SEMA6A: variants seen among roughly 807,000 people sequenced by gnomAD.
SEMA6A encodes the protein semaphorin-6A.
In SEMA6A, 25 loss-of-function variants were observed where a neutral mutation model predicts 96.8. The observed-to-expected ratio is 0.26, with a 90% CI of 0.19 to 0.36. The LOEUF (loss-of-function observed/expected upper bound fraction) is 0.36. SEMA6A is among the 10% of genes least tolerant of loss of function. The pLI, the probability that SEMA6A is intolerant of heterozygous loss-of-function variation, is 1.00. For synonymous variants in SEMA6A, 612 were observed against 518.0 expected (o/e 1.18, Z -2.46); for missense variants, 1,363 against 1,323.1 (o/e 1.03, Z -0.47).
At chr5:116,480,362 T>A in intron 11 of SEMA6A, 85 bp from the exon 12 acceptor site, 1 of 1,515,386 alleles carries the variant, frequency 6.6e-7, no homozygotes, top group South Asian at 1.2e-5. Context: ...TCTCTAAGCA[T>A]CTGGAATGGA....
At chr5:116,458,613 A>ATGTT (rs1436052546) in intron 18 of SEMA6A, among the ~76,000 whole-genome samples, 3 of 152,174 alleles carry the variant, frequency 2.0e-5, no homozygotes, top group Admixed American at 1.3e-4. Context: ...GAGAAAATGA[A>ATGTT]TGTTAGGTTA....
At chr5:116,477,255 A>T (rs540506289) in intron 15 of SEMA6A, among the ~76,000 whole-genome samples, 1 of 151,956 alleles carries the variant, frequency 6.6e-6, no homozygotes, top group East Asian at 1.9e-4. Flanking sequence ...AATTTTAAAC[A>T]CCAAAATCAT....
intron 1 of SEMA6A, among the ~76,000 whole-genome samples, chr5:116,509,758 G>C (rs570381201): frequency 3.3e-5 from 5 of 152,108 alleles, no homozygotes; most frequent in Admixed American, 1.3e-4. Context: ...CTGAGGTGGG[G>C]TGAGGTGCTG....
chr5:116,485,830 ACT>A (rs528709918), intron 10 of SEMA6A, among the ~76,000 whole-genome samples: 260 of 152,362 alleles, frequency 1.7e-3, no homozygotes, highest in African/African-American at 5.7e-3. Flanking sequence ...GACCATGCAC[ACT>A]GTTAGGATCA....
chr5:116,509,066 TGCA>T (rs1462456649), intron 1 of SEMA6A, among the ~76,000 whole-genome samples: 1 of 152,254 alleles, frequency 6.6e-6, no homozygotes, highest in East Asian at 1.9e-4. Flanking sequence ...CATGTCCGGT[TGCA>T]GCAAACGGTG....
chr5:116,493,332 T>C (rs529543892), intron 6 of SEMA6A, among the ~76,000 whole-genome samples: 1 of 152,278 alleles, frequency 6.6e-6, no homozygotes, highest in African/African-American at 2.4e-5. Context: ...GGATGGAATA[T>C]TAAGTGGTAA....
At chr5:116,485,666 G>C (rs979726797) in intron 10 of SEMA6A, among the ~76,000 whole-genome samples, 1 of 152,186 alleles carries the variant, frequency 6.6e-6, no homozygotes, top group East Asian at 1.9e-4. Flanking sequence ...TCATTTTGGT[G>C]CCTGTCATTT....
intron 1 of SEMA6A, 110 bp from the exon 2 acceptor site, chr5:116,505,092 T>C: frequency 1.7e-6 from 1 of 582,310 alleles, no homozygotes; most frequent in Non-Finnish European, 3.1e-6. Flanking sequence ...CTGCTTTACA[T>C]CTTCTACATG....
At chr5:116,538,827 C>A (rs184087243) in intron 1 of SEMA6A, among the ~76,000 whole-genome samples, 1 of 152,306 alleles carries the variant, frequency 6.6e-6, no homozygotes, top group East Asian at 1.9e-4. Context: ...GAACCTTTCA[C>A]CCTGCAATAC....
At chr5:116,512,634 G>A (rs917719159) in intron 1 of SEMA6A, among the ~76,000 whole-genome samples, 7 of 151,726 alleles carry the variant, frequency 4.6e-5, no homozygotes, top group Non-Finnish European at 1.0e-4. Context: ...TTTTGAGGGA[G>A]AAGGCAAGTC....
At chr5:116,558,035 C>T (rs1453950101) in intron 1 of SEMA6A, among the ~76,000 whole-genome samples, 1 of 152,180 alleles carries the variant, frequency 6.6e-6, no homozygotes, top group African/African-American at 2.4e-5. Flanking sequence ...TTAATGTTTA[C>T]TTCTAATATG....
intron 1 of SEMA6A, among the ~76,000 whole-genome samples, chr5:116,518,120 T>C (rs1187615489): frequency 6.6e-6 from 1 of 152,124 alleles, no homozygotes; most frequent in African/African-American, 2.4e-5. Context: ...AAATTAAGAA[T>C]TTGGATTTCT....
At chr5:116,547,098 G>A (rs1019914442) in intron 1 of SEMA6A, among the ~76,000 whole-genome samples, 3 of 152,234 alleles carry the variant, frequency 2.0e-5, no homozygotes, top group East Asian at 1.9e-4. Flanking sequence ...CTTTGAGTCA[G>A]ATTTTCCTGG....
chr5:116,552,086 A>G (rs898902001), intron 1 of SEMA6A, among the ~76,000 whole-genome samples: 1 of 108,838 alleles, frequency 9.2e-6, no homozygotes, highest in Non-Finnish European at 2.3e-5. Context: ...TGTCCCTGAC[A>G]CCAGTCAAAG....
At chr5:116,552,540 T>C (rs894356460) in intron 1 of SEMA6A, among the ~76,000 whole-genome samples, 52 of 152,254 alleles carry the variant, frequency 3.4e-4, no homozygotes, top group African/African-American at 1.2e-3. Flanking sequence ...AAAGGGACGC[T>C]CTTCTCCATC....
rs112890874 is a variant in SEMA6A, at chr5:116,555,672, CA to C, written c.-39+18512del. On this transcript the variant is annotated intron_variant, in intron 1 of 18. Coordinates refer to ENST00000343348, the MANE Select transcript of SEMA6A (RefSeq NM_020796.5). ...TGAGCAACATGGCAAGACCCCCCCT[CA>C]AAAAAAAAAAATTGTAAAAATTATC... 6.4e-3 allele frequency among the ~76,000 whole-genome samples: 911 copies of C among 142,640 alleles called. 12 individuals are homozygous for C. The highest frequency in any genetic ancestry group is 0.014 in the East Asian group (68 of 4,938). The allele number at this position is 142,640 out of a possible 152,430, so 93.6% of individuals were successfully genotyped here.
At chr5:116,505,021 CT>C in intron 1 of SEMA6A, 39 bp from the exon 2 acceptor site, 1 of 1,011,604 alleles carries the variant, frequency 9.9e-7, no homozygotes, top group East Asian at 2.6e-5. Flanking sequence ...TCCAAGTCAG[CT>C]TTGTTCAATG....
intron 8 of SEMA6A, 145 bp downstream of exon 8, chr5:116,488,743 A>G: frequency 9.4e-7 from 1 of 1,059,086 alleles, no homozygotes; most frequent in Non-Finnish European, 1.3e-6. Flanking sequence ...AATCAGTTGA[A>G]GCCAAAGATG....
chr5:116,523,286 G>T (rs1273863993), intron 1 of SEMA6A, among the ~76,000 whole-genome samples: 1 of 152,042 alleles, frequency 6.6e-6, no homozygotes, highest in Non-Finnish European at 1.5e-5. Flanking sequence ...TTCTCTTGGG[G>T]TTTAAGGTCT....
Sources: gnomAD v4.1 joint callset for allele counts (sites outside exome capture counted in the v4.1 genomes callset) on GRCh38, gnomAD v4.1.1 for gene constraint, MANE v1.5 for transcripts, NCBI Gene and HGNC (gene_info 2026-07-23, HGNC 2026-07-21) for gene names.